SRFBP1: variants seen among roughly 807,000 people sequenced by gnomAD.
The protein encoded by SRFBP1 is serum response factor binding protein 1, also known as serum response factor-binding protein 1.
In SRFBP1, 47 loss-of-function variants were observed where a neutral mutation model predicts 45.5. That is an observed-to-expected ratio of 1.03 (90% CI 0.82 to 1.32). The LOEUF is 1.32. Ranked by LOEUF, SRFBP1 falls within the 40% of genes most tolerant of loss-of-function variation. The pLI is 0.00. For missense variants in SRFBP1, 621 were observed against 484.6 expected, an observed-to-expected ratio of 1.28 and a Z score of -2.64; for synonymous variants, 203 against 166.3, an observed-to-expected ratio of 1.22 and a Z score of -1.70.
chr5:122,048,809 C>T (rs980456461), intron 2 of SRFBP1, among the ~76,000 whole-genome samples: 1 of 152,128 alleles, frequency 6.6e-6, no homozygotes, highest in Non-Finnish European at 1.5e-5. Flanking sequence ...TCCATTTCTT[C>T]TAGATTTTCT....
intron 4 of SRFBP1, among the ~76,000 whole-genome samples, chr5:122,018,852 AC>A (rs1353674299): frequency 6.6e-6 from 1 of 152,216 alleles, no homozygotes; most frequent in East Asian, 1.9e-4. Flanking sequence ...TTCAAGTATT[AC>A]AGTAGTCTCA....
At chr5:122,003,597 T>A (rs904059865) in intron 4 of SRFBP1, among the ~76,000 whole-genome samples, 2 of 152,186 alleles carry the variant, frequency 1.3e-5, no homozygotes, top group African/African-American at 4.8e-5. Context: ...CTGAATCTTA[T>A]GGTAGTTCTA....
At chr5:121,966,243 G>C (rs539169453) in intron 1 of SRFBP1, among the ~76,000 whole-genome samples, 1 of 152,272 alleles carries the variant, frequency 6.6e-6, no homozygotes, top group East Asian at 1.9e-4. Context: ...AAGAGATTAA[G>C]ATTAAAGTTT....
At chr5:121,989,496 A>T (rs931400055) in intron 3 of SRFBP1, among the ~76,000 whole-genome samples, 1 of 152,208 alleles carries the variant, frequency 6.6e-6, no homozygotes, top group African/African-American at 2.4e-5. Context: ...TTTCTTTCAC[A>T]ATTTTAAGTG....
At chr5:122,050,062 G>T (rs770914668) in intron 2 of SRFBP1, among the ~76,000 whole-genome samples, 1 of 152,150 alleles carries the variant, frequency 6.6e-6, no homozygotes, top group South Asian at 2.1e-4. Context: ...ATTTGCATAT[G>T]TTGAACCAAT....
At chr5:121,986,644 A>G (rs575011044) in intron 3 of SRFBP1, among the ~76,000 whole-genome samples, 3 of 152,118 alleles carry the variant, frequency 2.0e-5, no homozygotes, top group East Asian at 3.9e-4. Context: ...GCCAGCCTAC[A>G]TAGCTTGTTT....
At chr5:122,026,241 A>G (rs1753477166) in intron 7 of SRFBP1, among the ~76,000 whole-genome samples, 1 of 152,188 alleles carries the variant, frequency 6.6e-6, no homozygotes, top group Non-Finnish European at 1.5e-5. Flanking sequence ...TAAAATGTGC[A>G]TTGATGCATA....
intron 3 of SRFBP1, among the ~76,000 whole-genome samples, chr5:121,992,960 C>T (rs538057568): frequency 6.6e-6 from 1 of 152,100 alleles, no homozygotes; most frequent in Non-Finnish European, 1.5e-5. Context: ...CCCTTGTCTC[C>T]GACCCAGGAG....
intron 3 of SRFBP1, among the ~76,000 whole-genome samples, chr5:121,993,858 C>G (rs907513144): frequency 2.6e-5 from 4 of 151,854 alleles, no homozygotes; most frequent in Non-Finnish European, 5.9e-5. Flanking sequence ...GGTGGAAGGG[C>G]CTTTTTTAAT....
chr5:122,070,763 C>T (rs1754427443), intron 2 of SRFBP1: 2 of 462,636 alleles, frequency 4.3e-6, no homozygotes, highest in Non-Finnish European at 3.8e-6. Context: ...CTTATAGCAC[C>T]TCCAGCTAAA....
intron 1 of SRFBP1, among the ~76,000 whole-genome samples, chr5:121,969,091 C>T (rs1217412189): frequency 6.6e-6 from 1 of 152,118 alleles, no homozygotes; most frequent in Non-Finnish European, 1.5e-5. Flanking sequence ...GTCTGCTTTG[C>T]ATATCAGAAA....
At chr5:121,966,260 A>G (rs975475845) in intron 1 of SRFBP1, among the ~76,000 whole-genome samples, 7 of 152,200 alleles carry the variant, frequency 4.6e-5, no homozygotes, top group African/African-American at 1.4e-4. Context: ...GTTTGTTGTT[A>G]TTCTTGCGAA....
chr5:122,056,870 T>C (rs1754088557), intron 2 of SRFBP1, among the ~76,000 whole-genome samples: 1 of 152,010 alleles, frequency 6.6e-6, no homozygotes. Context: ...CTAAGGGAAA[T>C]AGTCAGTTGT....
chr5:121,975,660 G>A (rs145210937), intron 3 of SRFBP1, among the ~76,000 whole-genome samples: 2,776 of 152,010 alleles, frequency 0.018, 56 homozygotes, highest in Middle Eastern at 0.037. Context: ...AATGCCTCCT[G>A]CCTCAGGTTT....
chr5:122,066,739 C>G, intron 2 of SRFBP1: 1 of 1,598,854 alleles, frequency 6.3e-7, no homozygotes, highest in Non-Finnish European at 8.6e-7. Context: ...TTTTGCTTTG[C>G]CTTCTAATAC....
At chr5:122,062,591 A>T (rs1754190153) in intron 2 of SRFBP1, among the ~76,000 whole-genome samples, 1 of 152,078 alleles carries the variant, frequency 6.6e-6, no homozygotes, top group Non-Finnish European at 1.5e-5. Flanking sequence ...GAAGCAGGAC[A>T]TTTGTGGTTT....
chr5:122,018,617 A>G (rs1430925139), intron 4 of SRFBP1, among the ~76,000 whole-genome samples: 1 of 152,236 alleles, frequency 6.6e-6, no homozygotes, highest in African/African-American at 2.4e-5. Context: ...GTATCAGCTT[A>G]GAGCTCAGGT....
intron 3 of SRFBP1, among the ~76,000 whole-genome samples, chr5:121,980,039 C>G (rs1006273565): frequency 2.6e-5 from 4 of 152,150 alleles, no homozygotes; most frequent in Non-Finnish European, 4.4e-5. Flanking sequence ...CATGTTAACA[C>G]GAAGACTAAA....
chr5:122,006,423 G>T (rs1561588986), intron 4 of SRFBP1, among the ~76,000 whole-genome samples: 1 of 151,884 alleles, frequency 6.6e-6, no homozygotes, highest in Non-Finnish European at 1.5e-5. Flanking sequence ...CTGTACCTGG[G>T]TATTTATGTC....
Sources: gnomAD v4.1 joint callset for allele counts (sites outside exome capture counted in the v4.1 genomes callset) on GRCh38, gnomAD v4.1.1 for gene constraint, MANE v1.5 for transcripts, NCBI Gene and HGNC (gene_info 2026-07-23, HGNC 2026-07-21) for gene names.